Variants in PPP1R9A observed in about 807,000 individuals in gnomAD.
PPP1R9A encodes neurabin-1.
A neutral mutation model predicts 141.9 loss-of-function variants in PPP1R9A; 59 were observed. The observed-to-expected ratio is 0.42, with a 90% CI of 0.34 to 0.52. The LOEUF (loss-of-function observed/expected upper bound fraction) is 0.52. PPP1R9A is among the 20% of genes least tolerant of loss of function. The pLI is 0.10. For missense variants in PPP1R9A, 1,444 were observed against 1,611.9 expected (o/e 0.90, Z 1.78); for synonymous variants, 500 against 569.7 (o/e 0.88, Z 1.74).
chr7:94,984,324 A>G (rs1800522202), intron 2 of PPP1R9A, among the ~76,000 whole-genome samples: 3 of 152,150 alleles, frequency 2.0e-5, no homozygotes, highest in Admixed American at 2.0e-4. Flanking sequence ...AGGCTTTGGT[A>G]TCAGGGTGAT....
At chr7:95,122,880 T>C (rs1425652948) in intron 4 of PPP1R9A, among the ~76,000 whole-genome samples, 1 of 152,170 alleles carries the variant, frequency 6.6e-6, no homozygotes, top group Non-Finnish European at 1.5e-5. Flanking sequence ...ATACCTCATT[T>C]CTTATTAAGT....
chr7:95,187,054 T>C (rs1484919276), intron 5 of PPP1R9A, among the ~76,000 whole-genome samples: 2 of 152,184 alleles, frequency 1.3e-5, no homozygotes, highest in African/African-American at 4.8e-5. Flanking sequence ...TCCCTTCTTC[T>C]CTGTCTTTTG....
At chr7:94,957,564 GGGAA>G (rs1160815399) in intron 2 of PPP1R9A, among the ~76,000 whole-genome samples, 3 of 152,028 alleles carry the variant, frequency 2.0e-5, no homozygotes, top group Admixed American at 6.6e-5. Context: ...CCAAAGCTTA[GGGAA>G]GGGAGATGAT....
intron 16 of PPP1R9A, 143 bp downstream of exon 16, chr7:95,274,311 T>C: frequency 2.7e-6 from 2 of 751,528 alleles, no homozygotes; most frequent in Middle Eastern, 3.9e-4. Context: ...AATTGCACAA[T>C]TAGTTTATAT....
intron 2 of PPP1R9A, among the ~76,000 whole-genome samples, chr7:94,913,579 C>G (rs1791710786): frequency 6.6e-6 from 1 of 152,006 alleles, no homozygotes; most frequent in Admixed American, 6.6e-5. Flanking sequence ...CATTCTTAGC[C>G]CTTTGTAATG....
chr7:95,156,916 T>G (rs1460115436), intron 4 of PPP1R9A: 2 of 152,498 alleles, frequency 1.3e-5, no homozygotes, highest in Non-Finnish European at 2.9e-5. Context: ...ATCCATCATC[T>G]GCTCTGCTCT....
chr7:95,233,511 A>C (rs1455918289), intron 8 of PPP1R9A, among the ~76,000 whole-genome samples: 1 of 152,124 alleles, frequency 6.6e-6, no homozygotes, highest in Non-Finnish European at 1.5e-5. Flanking sequence ...AACTTAAAGT[A>C]TAATAAAAAA....
intron 4 of PPP1R9A, among the ~76,000 whole-genome samples, chr7:95,138,437 A>C (rs1387390003): frequency 6.6e-6 from 1 of 152,212 alleles, no homozygotes; most frequent in Non-Finnish European, 1.5e-5. Flanking sequence ...AAGAATACAG[A>C]GGTGAAAATC....
chr7:95,100,802 T>C (rs979804673), intron 2 of PPP1R9A, among the ~76,000 whole-genome samples: 4 of 151,410 alleles, frequency 2.6e-5, no homozygotes, highest in African/African-American at 7.3e-5. Context: ...GGGCCTTGAC[T>C]TGAGATTAAT....
intron 2 of PPP1R9A, among the ~76,000 whole-genome samples, chr7:95,011,067 T>A (rs560178350): frequency 6.6e-6 from 1 of 152,314 alleles, no homozygotes; most frequent in South Asian, 2.1e-4. Context: ...CAGTGTTGCC[T>A]TTCAGAATTC....
rs1384093513 is a variant in PPP1R9A, at chr7:95,128,098, G to A, written c.1649+7266G>A. The stretch of plus-strand genomic sequence containing the variant: ...TCTTTGAGAAATCTTTAAACTGCCT[G>A]CCACAGTGACTGAACTAATTTGTAT... On this transcript the variant is annotated intron_variant, in intron 4 of 19. Coordinates refer to ENST00000433360, the MANE Select transcript of PPP1R9A (RefSeq NM_001166160.2). Among the ~76,000 whole-genome samples the A allele has an allele frequency of 5.3e-5, 8 of 152,294 alleles. No individual in the cohort carries two copies. In the East Asian group the frequency reaches 9.6e-4, roughly 18 times the overall value.
intron 2 of PPP1R9A, among the ~76,000 whole-genome samples, chr7:94,943,511 A>G (rs541592498): frequency 1.3e-5 from 2 of 152,326 alleles, no homozygotes; most frequent in African/African-American, 4.8e-5. Context: ...ATTTACTGAA[A>G]TAAGTCAACT....
intron 2 of PPP1R9A, among the ~76,000 whole-genome samples, chr7:94,954,477 C>CT (rs1280349916): frequency 2.0e-5 from 3 of 151,888 alleles, no homozygotes; most frequent in Non-Finnish European, 4.4e-5. Flanking sequence ...GCAAATATAG[C>CT]TAAATTGGCT....
chr7:94,931,228 A>G (rs944973322), intron 2 of PPP1R9A, among the ~76,000 whole-genome samples: 1 of 152,136 alleles, frequency 6.6e-6, no homozygotes. Context: ...CACCAGTAAG[A>G]GGTTTTATGT....
At chr7:95,181,420 A>AATAT (rs534763601) in intron 5 of PPP1R9A, among the ~76,000 whole-genome samples, 5 of 85,830 alleles carry the variant, frequency 5.8e-5, no homozygotes, top group East Asian at 2.1e-4. Flanking sequence ...ATATATATAG[A>AATAT]ATATAGAGAA....
chr7:95,188,550 T>C, intron 5 of PPP1R9A, among the ~76,000 whole-genome samples: 1 of 151,934 alleles, frequency 6.6e-6, no homozygotes. Context: ...AATACTTTGT[T>C]TGTTTGTTTG....
intron 2 of PPP1R9A, among the ~76,000 whole-genome samples, chr7:94,935,280 C>T (rs1794648483): frequency 6.6e-6 from 1 of 152,170 alleles, no homozygotes; most frequent in Non-Finnish European, 1.5e-5. Flanking sequence ...TATTCCTTTT[C>T]ATAACCCTTC....
chr7:95,148,021 T>C (rs1330925496), intron 4 of PPP1R9A, among the ~76,000 whole-genome samples: 1 of 152,164 alleles, frequency 6.6e-6, no homozygotes, highest in Non-Finnish European at 1.5e-5. Context: ...TGAAAATAGA[T>C]CATGTTAAAA....
At chr7:95,260,910 A>C (rs958440136) in intron 12 of PPP1R9A, among the ~76,000 whole-genome samples, 3 of 152,196 alleles carry the variant, frequency 2.0e-5, no homozygotes, top group Non-Finnish European at 4.4e-5. Flanking sequence ...AGACTACTGT[A>C]TTCCAAATTA....
Sources: allele counts gnomAD v4.1 joint callset (sites outside exome capture counted in the v4.1 genomes callset), GRCh38; gene constraint gnomAD v4.1.1; transcripts MANE v1.5; gene names NCBI Gene and HGNC (gene_info 2026-07-23, HGNC 2026-07-21).